The following SNCAIP variants were observed in gnomAD, a reference collection of about 807,000 sequenced individuals.
SNCAIP encodes synphilin-1.
In SNCAIP, 43 loss-of-function variants were observed where a neutral mutation model predicts 86.7. That is an observed-to-expected ratio of 0.50 (90% CI 0.39 to 0.64). The LOEUF (loss-of-function observed/expected upper bound fraction) is 0.64, where lower values mean the gene tolerates loss of function less well. Ranked by LOEUF, SNCAIP falls within the 30% of genes least tolerant of loss-of-function variation. The probability of loss-of-function intolerance (pLI) is 0.00; values close to 1 mark genes in which losing one functional copy is unlikely to be tolerated. For synonymous variants in SNCAIP, 417 were observed against 427.2 expected (o/e 0.98, Z 0.29); for missense variants, 981 against 1,103.1 (o/e 0.89, Z 1.57).
intron 3 of SNCAIP, among the ~76,000 whole-genome samples, chr5:122,422,102 G>A (rs1776503964): frequency 6.6e-6 from 1 of 151,866 alleles, no homozygotes; most frequent in African/African-American, 2.4e-5. Context: ...ACAATGGAGG[G>A]CAGTATTGAA....
At chr5:122,340,720 A>G (rs1244912020) in intron 1 of SNCAIP, among the ~76,000 whole-genome samples, 1 of 152,248 alleles carries the variant, frequency 6.6e-6, no homozygotes, top group African/African-American at 2.4e-5. Context: ...AATCATTTCA[A>G]TGATGCTTTT....
intron 10 of SNCAIP, among the ~76,000 whole-genome samples, chr5:122,458,156 T>G (rs560685452): frequency 5.3e-4 from 81 of 152,326 alleles, no homozygotes; most frequent in Admixed American, 2.0e-3. Flanking sequence ...ACCCTCGTAC[T>G]CTCTTAAATC....
At chr5:122,340,937 C>T (rs1343182543) in intron 1 of SNCAIP, among the ~76,000 whole-genome samples, 1 of 152,130 alleles carries the variant, frequency 6.6e-6, no homozygotes, top group African/African-American at 2.4e-5. Flanking sequence ...GCATTAGTAC[C>T]TTAACATTTA....
At chr5:122,426,277 T>A (rs1422422380) in intron 5 of SNCAIP, among the ~76,000 whole-genome samples, 1 of 152,240 alleles carries the variant, frequency 6.6e-6, no homozygotes, top group Non-Finnish European at 1.5e-5. Context: ...TAATACATCT[T>A]GTATTTTTGC....
At chr5:122,426,038 C>T (rs1777310826) in intron 5 of SNCAIP, among the ~76,000 whole-genome samples, 3 of 152,242 alleles carry the variant, frequency 2.0e-5, no homozygotes, top group Admixed American at 6.5e-5. Flanking sequence ...GAGCACAGTA[C>T]GCTACCAAAA....
At chr5:122,449,078 C>T (rs1476561996) in intron 8 of SNCAIP, among the ~76,000 whole-genome samples, 2 of 152,026 alleles carry the variant, frequency 1.3e-5, no homozygotes, top group African/African-American at 2.4e-5. Flanking sequence ...CCAATGAACA[C>T]ATCACAAATT....
At chr5:122,357,831 A>G (rs1051861750) in intron 1 of SNCAIP, among the ~76,000 whole-genome samples, 4 of 152,156 alleles carry the variant, frequency 2.6e-5, no homozygotes, top group South Asian at 2.1e-4. Flanking sequence ...CAGTAGCCAC[A>G]TGTGGCTACT....
At chr5:122,363,131 T>G (rs1361810235) in intron 1 of SNCAIP, among the ~76,000 whole-genome samples, 1 of 151,742 alleles carries the variant, frequency 6.6e-6, no homozygotes. Flanking sequence ...CAAGTAGCTG[T>G]TTTTACAGGC....
rs368903061 is a variant in SNCAIP at position 122,440,986 on chromosome 5, T to TC, written c.1422+234dup. 139 of 506,012 alleles carry TC rather than the reference T, an allele frequency of 2.7e-4. 1 individual carries two copies. The highest frequency in any genetic ancestry group is 4.3e-4 in the Non-Finnish European group (119 of 279,496). The allele number at this position is 506,012 out of a possible 1,614,324, so 31.3% of individuals were successfully genotyped here. ...GTCCCAGGGTGTTGAAAGGGACTTT[T>TC]CCTGCTCCCTTATCACTGCTCTAAA... On this transcript the variant is annotated intron_variant, in intron 7 of 10. Transcript: ENST00000261368.
intron 8 of SNCAIP, among the ~76,000 whole-genome samples, chr5:122,446,398 ACATCCTCCT>A (rs1371260477): frequency 1.3e-5 from 2 of 152,208 alleles, no homozygotes; most frequent in East Asian, 3.8e-4. Flanking sequence ...GAATCACAAA[ACATCCTCCT>A]TCTTGTTCAT....
chr5:122,364,923 T>C (rs1561587480), intron 1 of SNCAIP, among the ~76,000 whole-genome samples: 2 of 152,198 alleles, frequency 1.3e-5, no homozygotes, highest in Admixed American at 6.5e-5. Flanking sequence ...TTTTAAAATA[T>C]ACTGCTCAGT....
intron 3 of SNCAIP, among the ~76,000 whole-genome samples, chr5:122,415,719 G>C (rs1030603853): frequency 1.3e-5 from 2 of 152,134 alleles, no homozygotes; most frequent in African/African-American, 2.4e-5. Context: ...AAATGTGTGC[G>C]TGCTGCACGG....
chr5:122,379,653 T>G (rs1260673455), intron 1 of SNCAIP, among the ~76,000 whole-genome samples: 1 of 151,944 alleles, frequency 6.6e-6, no homozygotes, highest in Non-Finnish European at 1.5e-5. Flanking sequence ...TTTTGCCCAT[T>G]CAGTATGATA....
chr5:122,451,514 C>T lies in SNCAIP; in HGVS notation c.2667C>T (p.Thr889=), dbSNP rs772310029. The T allele has an allele frequency of 3.7e-6, 6 of 1,613,686 alleles. No homozygotes were observed. In the African/African-American group the frequency reaches 4.0e-5, roughly 11 times the overall value. ...ACCAGGCAGCCAACCAGCTGAAAAC[C>T]TCTACATTGCCCTTGACCTCACTTG... ...NNYQAANQLK[T]STLPLTSLGR... The change falls in exon 10 of 11, where the codon ACC becomes ACT. Residue 889 remains threonine, a synonymous_variant. Coordinates refer to ENST00000261368, the MANE Select transcript of SNCAIP (RefSeq NM_005460.4).
chr5:122,452,490 A>G (rs950269767), intron 10 of SNCAIP, among the ~76,000 whole-genome samples: 2 of 152,236 alleles, frequency 1.3e-5, no homozygotes, highest in African/African-American at 4.8e-5. Context: ...ATCCCATTAC[A>G]ATGAGGTCTA....
At chr5:122,455,609 T>C (rs1784585967) in intron 10 of SNCAIP, among the ~76,000 whole-genome samples, 1 of 152,076 alleles carries the variant, frequency 6.6e-6, no homozygotes. Context: ...GGGAAAAGAG[T>C]GAGGCGATGG....
chr5:122,363,827 TTTATTTA>T (rs869116562), intron 1 of SNCAIP, among the ~76,000 whole-genome samples: 1 of 150,456 alleles, frequency 6.6e-6, no homozygotes, highest in Non-Finnish European at 1.5e-5. Context: ...TATTTATTTA[TTTATTTA>T]TTTTTAGAGA....
At chr5:122,379,546 G>C (rs1233524330) in intron 1 of SNCAIP, among the ~76,000 whole-genome samples, 9 of 145,884 alleles carry the variant, frequency 6.2e-5, no homozygotes, top group Non-Finnish European at 9.1e-5. Flanking sequence ...TCTCCTGCCT[G>C]ATTGCCCTGG....
chr5:122,391,153 C>G lies in SNCAIP; in HGVS notation c.19C>G (p.Leu7Val). Residue 7 changes from leucine (L) to valine (V), a missense_variant, in exon 2 of 11, where the codon CTT (leucine) becomes GTT (valine). Coordinates refer to ENST00000261368, the MANE Select transcript of SNCAIP (RefSeq NM_005460.4). MEAPEY[L>V]DLDEIDFSDD... ...AAGAATAATGGAAGCCCCTGAATAC[C>G]TTGATTTGGATGAAATTGACTTTAG... The G allele has an allele frequency of 6.2e-7, 1 of 1,611,072 alleles. No homozygotes were observed. The highest frequency in any genetic ancestry group is 8.5e-7 in the Non-Finnish European group (1 of 1,177,324).
Sources: allele counts gnomAD v4.1 joint callset (sites outside exome capture counted in the v4.1 genomes callset), GRCh38; gene constraint gnomAD v4.1.1; transcripts MANE v1.5; gene names NCBI Gene and HGNC (gene_info 2026-07-23, HGNC 2026-07-21).